Variants in MAGI2 observed in about 807,000 individuals in gnomAD.
The protein encoded by MAGI2 is membrane associated guanylate kinase, WW and PDZ domain containing 2.
MAGI2 carries 35 observed loss-of-function variants against 133.3 expected under a neutral mutation model. The observed-to-expected ratio is 0.26, with a 90% CI of 0.20 to 0.35. The LOEUF is 0.35. MAGI2 is among the 10% of genes least tolerant of loss of function. The pLI is 1.00. For synonymous variants in MAGI2, 729 were observed against 710.6 expected (o/e 1.03, Z -0.41); for missense variants, 1,636 against 1,863.4 (o/e 0.88, Z 2.25).
chr7:78,915,438 A>C (rs1035060067), intron 2 of MAGI2, among the ~76,000 whole-genome samples: 1 of 152,120 alleles, frequency 6.6e-6, no homozygotes, highest in African/African-American at 2.4e-5. Context: ...TCTTGAAAAG[A>C]TGCATATAAA....
At chr7:78,890,694 A>C (rs1796671519) in intron 2 of MAGI2, among the ~76,000 whole-genome samples, 1 of 152,214 alleles carries the variant, frequency 6.6e-6, no homozygotes, top group Non-Finnish European at 1.5e-5. Flanking sequence ...ACAAAGACAC[A>C]ACATACCAGA....
chr7:79,345,061 T>C (rs770687762), intron 1 of MAGI2, among the ~76,000 whole-genome samples: 8 of 152,110 alleles, frequency 5.3e-5, no homozygotes, highest in Non-Finnish European at 8.8e-5. Flanking sequence ...ATGGGTTGAA[T>C]TGTGTCCTCC....
chr7:78,754,157 G>A (rs912449969), intron 2 of MAGI2, among the ~76,000 whole-genome samples: 16 of 151,930 alleles, frequency 1.1e-4, no homozygotes, highest in East Asian at 1.9e-4. Context: ...CAGGTGGATC[G>A]CTTGAGCCCA....
At chr7:78,848,822 T>C (rs1792869765) in intron 2 of MAGI2, among the ~76,000 whole-genome samples, 1 of 152,042 alleles carries the variant, frequency 6.6e-6, no homozygotes, top group Non-Finnish European at 1.5e-5. Flanking sequence ...AATGTCATCA[T>C]CCACGACCAG....
intron 4 of MAGI2, among the ~76,000 whole-genome samples, chr7:78,503,593 C>CCCTCCTCCTCCCCCT (rs1794831977): frequency 1.5e-5 from 1 of 66,716 alleles, no homozygotes; most frequent in Non-Finnish European, 3.3e-5. Context: ...CTCCTCCTCC[C>CCCTCCTCCTCCCCCT]CCTCCTCCTT....
At position 79,408,260 on chromosome 7, in the gene MAGI2, C is replaced by T. The variant is rs1026404862; in HGVS notation, c.301+44760G>A. Among the ~76,000 whole-genome samples, 5 of 152,064 alleles carry T rather than the reference C, an allele frequency of 3.3e-5. No individual in the cohort carries two copies. The East Asian group carries it at 9.7e-4, about 29-fold the overall frequency. On this transcript the variant is annotated intron_variant, in intron 1 of 21. Coordinates refer to ENST00000354212, the MANE Select transcript of MAGI2 (RefSeq NM_012301.4). ...AGGATGATGAAATTATTACTAGGAA[C>T]ACTCTAATGAGAAATATTTTATAAT...
intron 2 of MAGI2, among the ~76,000 whole-genome samples, chr7:78,992,718 A>G (rs1399462551): frequency 6.6e-6 from 1 of 151,940 alleles, no homozygotes; most frequent in Non-Finnish European, 1.5e-5. Flanking sequence ...TACATTTTTA[A>G]TGTATTTTAT....
chr7:78,254,775 A>C (rs1792788963), intron 10 of MAGI2: 1 of 152,152 alleles, frequency 6.6e-6, no homozygotes, highest in South Asian at 2.1e-4. Flanking sequence ...GGCTGTTTTG[A>C]GTGCTTTGAA....
At position 78,335,207 on chromosome 7, in the gene MAGI2, T is replaced by C. The variant is rs1364013618; in HGVS notation, c.1408+8571A>G. ...TGTCTTCTTGGCTGGGAGGGCAGCATGGATAGGAAGGACTCTCAGTTGCTC... is the reference window on the plus strand; with the variant it reads ...TGTCTTCTTGGCTGGGAGGGCAGCACGGATAGGAAGGACTCTCAGTTGCTC... On this transcript the variant is annotated intron_variant, in intron 9 of 21. Coordinates refer to ENST00000354212, the MANE Select transcript of MAGI2 (RefSeq NM_012301.4). 2.6e-5 allele frequency among the ~76,000 whole-genome samples: 4 copies of C among 152,142 alleles called. No homozygotes were observed. The East Asian group carries it at 5.8e-4, about 22-fold the overall frequency.
At chr7:78,410,574 C>G (rs555865639) in intron 6 of MAGI2, among the ~76,000 whole-genome samples, 1 of 152,138 alleles carries the variant, frequency 6.6e-6, no homozygotes, top group South Asian at 2.1e-4. Context: ...TTGATTTCCA[C>G]CACCTGCCTG....
intron 2 of MAGI2, among the ~76,000 whole-genome samples, chr7:78,950,040 A>G (rs1171215414): frequency 6.6e-6 from 1 of 151,516 alleles, no homozygotes; most frequent in Non-Finnish European, 1.5e-5. Context: ...GTAGTCTAAG[A>G]CTCTTCTACA....
chr7:78,873,154 T>G (rs535477669), intron 2 of MAGI2, among the ~76,000 whole-genome samples: 1 of 152,284 alleles, frequency 6.6e-6, no homozygotes, highest in Admixed American at 6.5e-5. Context: ...TAGATGACGA[T>G]TTTAAGAAAA....
chr7:79,247,049 A>G (rs994762814), intron 1 of MAGI2, among the ~76,000 whole-genome samples: 9 of 152,196 alleles, frequency 5.9e-5, no homozygotes, highest in African/African-American at 1.7e-4. Context: ...TAAAATATCC[A>G]GTAAAAATAT....
chr7:79,430,456 A>G (rs1847701104), intron 1 of MAGI2, among the ~76,000 whole-genome samples: 1 of 152,224 alleles, frequency 6.6e-6, no homozygotes, highest in Admixed American at 6.5e-5. Context: ...TTGTGTACTT[A>G]GTAATAGAGA....
intron 10 of MAGI2, among the ~76,000 whole-genome samples, chr7:78,242,492 T>A (rs537495749): frequency 6.6e-6 from 1 of 152,338 alleles, no homozygotes; most frequent in African/African-American, 2.4e-5. Context: ...CATTCACAAC[T>A]CATGCTGTGG....
At position 79,166,525 on chromosome 7, in the gene MAGI2, T is replaced by C. The variant is rs984942996; in HGVS notation, c.302-159319A>G. 5.3e-5 allele frequency among the ~76,000 whole-genome samples: 8 copies of C among 152,188 alleles called. No individual in the cohort carries two copies. In the East Asian group the frequency reaches 1.4e-3, roughly 26 times the overall value. ...GAACTCAGCTAACCAGTGTCTAGACTCTCAACCCGTGGAAATTGTGAAATA... is the reference window on the plus strand; with the variant it reads ...GAACTCAGCTAACCAGTGTCTAGACCCTCAACCCGTGGAAATTGTGAAATA... On this transcript the variant is annotated intron_variant, in intron 1 of 21. Transcript: ENST00000354212.
intron 1 of MAGI2, among the ~76,000 whole-genome samples, chr7:79,211,392 G>A (rs975313532): frequency 6.6e-5 from 10 of 151,620 alleles, no homozygotes; most frequent in African/African-American, 2.4e-4. Flanking sequence ...CTCCTCTCAC[G>A]TCAGCCTCCT....
intron 9 of MAGI2, among the ~76,000 whole-genome samples, chr7:78,311,557 C>T (rs2691521): frequency 0.51 from 77,575 of 151,660 alleles, 20,382 homozygotes; most frequent in Middle Eastern, 0.59. Context: ...AAGAGAATGA[C>T]AGTATAAAGA....
chr7:78,247,858 T>C lies in MAGI2; in HGVS notation c.2047+8085A>G, dbSNP rs147484384. Among the ~76,000 whole-genome samples, 22 of 152,188 alleles carry C rather than the reference T, an allele frequency of 1.4e-4. No homozygotes were observed. In the East Asian group the frequency reaches 4.2e-3, roughly 29 times the overall value. ...GAGAAAACATTTGTATTATGAGAGT[T>C]TCAGAAAAAGAAGTGACAAAGATAG... is the stretch of plus-strand genomic sequence containing the variant. On this transcript the variant is annotated intron_variant, in intron 10 of 21. Coordinates refer to ENST00000354212, the MANE Select transcript of MAGI2 (RefSeq NM_012301.4).
Sources: gnomAD v4.1 joint callset for allele counts (sites outside exome capture counted in the v4.1 genomes callset) on GRCh38, gnomAD v4.1.1 for gene constraint, MANE v1.5 for transcripts, NCBI Gene and HGNC (gene_info 2026-07-23, HGNC 2026-07-21) for gene names.